AFG2A: variants seen among roughly 807,000 people sequenced by gnomAD.
AFG2A encodes the protein AAA ATPase AFG2A.
the AFG2A span, among the ~76,000 whole-genome samples, chr4:123,007,591 TG>T: frequency 5.5e-4 from 2 of 3,642 alleles, no homozygotes; most frequent in East Asian, 0.014. Context: ...TGTGTGTGTG[TG>T]TGTGTGTGTG....
At chr4:122,973,219 G>A in the AFG2A span, among the ~76,000 whole-genome samples, 2 of 151,942 alleles carry the variant, frequency 1.3e-5, no homozygotes, top group African/African-American at 4.8e-5. Context: ...ATCCTTCCAT[G>A]TATATTTCAT....
chr4:122,971,526 A>G, the AFG2A span, among the ~76,000 whole-genome samples: 1 of 152,182 alleles, frequency 6.6e-6, no homozygotes, highest in Non-Finnish European at 1.5e-5. Flanking sequence ...TTTAAATTTT[A>G]TTTTGTTCAA....
the AFG2A span, among the ~76,000 whole-genome samples, chr4:123,031,830 C>T: frequency 2.0e-5 from 3 of 152,186 alleles, no homozygotes; most frequent in Admixed American, 1.3e-4. Flanking sequence ...TTAAAAGATA[C>T]GTACTGTACT....
chr4:123,168,963 T>C, the AFG2A span, among the ~76,000 whole-genome samples: 1 of 152,234 alleles, frequency 6.6e-6, no homozygotes, highest in South Asian at 2.1e-4. Flanking sequence ...GTTAAGTACA[T>C]TCCTTAGATG....
the AFG2A span, among the ~76,000 whole-genome samples, chr4:122,971,177 T>C: frequency 6.6e-6 from 1 of 152,180 alleles, no homozygotes; most frequent in East Asian, 1.9e-4. Context: ...GAGGCCAAGG[T>C]GGGAGGATCC....
At chr4:123,072,199 C>T in the AFG2A span, among the ~76,000 whole-genome samples, 1 of 152,132 alleles carries the variant, frequency 6.6e-6, no homozygotes, top group Non-Finnish European at 1.5e-5. Flanking sequence ...CAGTATTTAC[C>T]TCACAGCACT....
At chr4:123,196,538 T>C in the AFG2A span, among the ~76,000 whole-genome samples, 1 of 152,146 alleles carries the variant, frequency 6.6e-6, no homozygotes, top group Non-Finnish European at 1.5e-5. Flanking sequence ...AAAACATTTT[T>C]TTTTTCCACA....
At chr4:123,129,435 C>T in the AFG2A span, among the ~76,000 whole-genome samples, 1 of 152,254 alleles carries the variant, frequency 6.6e-6, no homozygotes, top group East Asian at 1.9e-4. Context: ...GCAAGAGAGG[C>T]TGTAAAATAA....
chr4:123,057,007 T>C, the AFG2A span, among the ~76,000 whole-genome samples: 22 of 152,254 alleles, frequency 1.4e-4, 1 homozygote, highest in Admixed American at 1.4e-3. Flanking sequence ...TTGATAGTCT[T>C]GTCTCTTTAA....
the AFG2A span, among the ~76,000 whole-genome samples, chr4:123,050,451 C>CTAT: frequency 6.6e-6 from 1 of 152,112 alleles, no homozygotes; most frequent in Non-Finnish European, 1.5e-5. Context: ...CTCTCGAGAG[C>CTAT]TATTAATATT....
At chr4:123,256,150 C>G in the AFG2A span, 10 of 1,614,094 alleles carry the variant, frequency 6.2e-6, no homozygotes, top group Non-Finnish European at 3.4e-6. Context: ...ATGAACTCAT[C>G]CTTCAAACCG....
At chr4:123,009,081 G>A in the AFG2A span, among the ~76,000 whole-genome samples, 1 of 152,146 alleles carries the variant, frequency 6.6e-6, no homozygotes, top group Non-Finnish European at 1.5e-5. Flanking sequence ...AACACTGAAA[G>A]GATACAGATA....
At chr4:123,007,639 C>CATAT in the AFG2A span, among the ~76,000 whole-genome samples, 11 of 24,092 alleles carry the variant, frequency 4.6e-4, no homozygotes, top group East Asian at 0.027. Flanking sequence ...TACACACACA[C>CATAT]ACAACACACA....
chr4:123,042,316 G>A, the AFG2A span, among the ~76,000 whole-genome samples: 5 of 151,816 alleles, frequency 3.3e-5, no homozygotes, highest in Non-Finnish European at 7.4e-5. Flanking sequence ...TCTTGACATA[G>A]CCTCACATAG....
the AFG2A span, among the ~76,000 whole-genome samples, chr4:123,054,261 T>A: frequency 6.6e-6 from 1 of 152,184 alleles, no homozygotes; most frequent in African/African-American, 2.4e-5. Flanking sequence ...AAAGTGACCC[T>A]CCTGTGTCTT....
At chr4:123,222,855 A>G in the AFG2A span, among the ~76,000 whole-genome samples, 2 of 152,186 alleles carry the variant, frequency 1.3e-5, no homozygotes, top group African/African-American at 2.4e-5. Flanking sequence ...ATGTTATCCC[A>G]TATGGCAGAA....
chr4:123,272,318 T>C, the AFG2A span, among the ~76,000 whole-genome samples: 2 of 151,956 alleles, frequency 1.3e-5, no homozygotes, highest in African/African-American at 4.8e-5. Context: ...CAAAAGTCCA[T>C]TTTCAGGTGT....
At chr4:123,235,090 G>A in the AFG2A span, among the ~76,000 whole-genome samples, 2 of 152,208 alleles carry the variant, frequency 1.3e-5, no homozygotes, top group South Asian at 4.1e-4. Flanking sequence ...ACCATAGCAT[G>A]GGAATACTGT....
the AFG2A span, among the ~76,000 whole-genome samples, chr4:123,132,614 A>ATATATG: frequency 3.0e-4 from 45 of 148,214 alleles, no homozygotes; most frequent in African/African-American, 9.9e-4. Context: ...ATATATATAT[A>ATATATG]TGTGCATATA....
Sources: gnomAD v4.1 joint callset for allele counts (sites outside exome capture counted in the v4.1 genomes callset) on GRCh38, gnomAD v4.1.1 for gene constraint, MANE v1.5 for transcripts, NCBI Gene and HGNC (gene_info 2026-07-23, HGNC 2026-07-21) for gene names.